Variants in CDH13 observed in about 807,000 individuals in gnomAD.
CDH13 encodes the protein cadherin-13.
A neutral mutation model predicts 63.8 loss-of-function variants in CDH13; 24 were observed. That is an observed-to-expected ratio of 0.38 (90% CI 0.27 to 0.53). The LOEUF is 0.53. Ranked by LOEUF, CDH13 falls within the 20% of genes least tolerant of loss-of-function variation. The pLI is 0.85. For synonymous variants in CDH13, 503 were observed against 355.3 expected, an observed-to-expected ratio of 1.42 and a Z score of -4.67; for missense variants, 1,049 against 903.1, an observed-to-expected ratio of 1.16 and a Z score of -2.07.
intron 8 of CDH13, among the ~76,000 whole-genome samples, chr16:83,652,752 C>T (rs538668642): frequency 4.6e-5 from 7 of 152,258 alleles, no homozygotes; most frequent in Admixed American, 1.3e-4. Flanking sequence ...GAATCCCCAG[C>T]GCCTGCAGCC....
At chr16:82,775,498 C>G (rs952097544) in intron 1 of CDH13, among the ~76,000 whole-genome samples, 1 of 152,172 alleles carries the variant, frequency 6.6e-6, no homozygotes, top group African/African-American at 2.4e-5. Flanking sequence ...TTTACTGACA[C>G]CTTGGAAAGA....
intron 2 of CDH13, among the ~76,000 whole-genome samples, chr16:82,880,838 C>G (rs551588070): frequency 6.4e-4 from 97 of 152,286 alleles, no homozygotes; most frequent in Admixed American, 1.8e-3. Flanking sequence ...AGATACAACT[C>G]CTGACTTTGA....
chr16:83,231,503 T>G (rs998564986), intron 5 of CDH13, among the ~76,000 whole-genome samples: 2 of 152,192 alleles, frequency 1.3e-5, no homozygotes, highest in Non-Finnish European at 1.5e-5. Flanking sequence ...ATGGTTGATG[T>G]GTTCCAGCAG....
chr16:82,797,176 G>T (rs973474090), intron 1 of CDH13, among the ~76,000 whole-genome samples: 26 of 152,160 alleles, frequency 1.7e-4, no homozygotes, highest in Admixed American at 3.9e-4. Context: ...CACTCTTTCA[G>T]TGTGGGGAGG....
In CDH13 at chr16:82,681,732, G is replaced by A. The variant is rs1004288638; in HGVS notation, c.45+54595G>A. Among the ~76,000 whole-genome samples, 6 of 152,262 alleles carry A rather than the reference G, an allele frequency of 3.9e-5. No homozygotes were observed. In the South Asian group the frequency reaches 8.3e-4, roughly 21 times the overall value. ...GTTTCTCTGCCTGAGGGCTCTCTCC[G>A]GCTGCCAAAGCCCGTGTCCACGCAC... is the stretch of plus-strand genomic sequence containing the variant. On this transcript the variant is annotated intron_variant, in intron 1 of 13. Transcript: ENST00000567109.
chr16:82,865,451 G>C (rs568829628), intron 2 of CDH13, among the ~76,000 whole-genome samples: 3 of 152,312 alleles, frequency 2.0e-5, no homozygotes, highest in East Asian at 1.9e-4. Flanking sequence ...CTTGACTTCC[G>C]TGCACCTGCA....
rs1162934590 is a variant in CDH13 at position 83,797,585 on chromosome 16, A to G, written c.*2555A>G. On this transcript the variant is annotated 3_prime_UTR_variant, in exon 14 of 14. Transcript: ENST00000567109. The stretch of plus-strand genomic sequence containing the variant: ...CCAAAGTGGTAGCATTTCCTGAATC[A>G]TAAGATGTTTTGTTCATTTGCTGGA... The G allele has an allele frequency of 5.3e-5, 8 of 152,244 alleles. No individual in the cohort carries two copies. Among genetic ancestry groups the G allele is most frequent in the Admixed American group, 3.9e-4 (6 of 15,282 alleles). The allele number at this position is 152,244 out of a possible 1,614,324, so 9.4% of individuals were successfully genotyped here.
intron 6 of CDH13, among the ~76,000 whole-genome samples, chr16:83,462,052 C>G (rs747776835): frequency 6.6e-6 from 1 of 152,206 alleles, no homozygotes; most frequent in Non-Finnish European, 1.5e-5. Flanking sequence ...AAGAGTAACC[C>G]AAGAGAAGTC....
At chr16:83,375,505 TTGAAGA>T (rs1352384668) in intron 6 of CDH13, among the ~76,000 whole-genome samples, 1 of 152,224 alleles carries the variant, frequency 6.6e-6, no homozygotes, top group Non-Finnish European at 1.5e-5. Flanking sequence ...CTCTGGGAAC[TTGAAGA>T]TAAGTAAGAC....
At chr16:83,448,701 G>C (rs757398308) in intron 6 of CDH13, among the ~76,000 whole-genome samples, 1 of 152,222 alleles carries the variant, frequency 6.6e-6, no homozygotes, top group Non-Finnish European at 1.5e-5. Flanking sequence ...ATGAGAGTAA[G>C]AGGATGCATT....
chr16:82,918,284 C>G (rs1050022717), intron 2 of CDH13, among the ~76,000 whole-genome samples: 8 of 152,072 alleles, frequency 5.3e-5, no homozygotes, highest in Non-Finnish European at 7.4e-5. Context: ...GAGTTCACAC[C>G]TATGAAACTA....
At chr16:83,533,683 C>T (rs539020679) in intron 7 of CDH13, among the ~76,000 whole-genome samples, 32 of 146,384 alleles carry the variant, frequency 2.2e-4, no homozygotes, top group African/African-American at 5.1e-4. Flanking sequence ...TGCAGTGGCA[C>T]GATCTCAGCT....
intron 7 of CDH13, among the ~76,000 whole-genome samples, chr16:83,556,778 C>G (rs2075611362): frequency 6.6e-6 from 1 of 152,180 alleles, no homozygotes; most frequent in South Asian, 2.1e-4. Flanking sequence ...ATGGGGCACC[C>G]CACACTTCAC....
intron 7 of CDH13, among the ~76,000 whole-genome samples, chr16:83,541,512 T>C (rs2150651068): frequency 6.6e-6 from 1 of 152,346 alleles, no homozygotes; most frequent in East Asian, 1.9e-4. Context: ...TTTCCAAAGT[T>C]CCTTGCAGTT....
At chr16:83,380,118 G>A (rs977999755) in intron 6 of CDH13, among the ~76,000 whole-genome samples, 4 of 151,924 alleles carry the variant, frequency 2.6e-5, no homozygotes, top group Admixed American at 6.6e-5. Flanking sequence ...GTATTCTTGC[G>A]TGAGGATGAG....
At chr16:83,094,393 A>G (rs940021414) in intron 3 of CDH13, among the ~76,000 whole-genome samples, 1 of 152,152 alleles carries the variant, frequency 6.6e-6, no homozygotes, top group African/African-American at 2.4e-5. Flanking sequence ...ATAGAGAGAG[A>G]AGTTGGGCTG....
intron 5 of CDH13, among the ~76,000 whole-genome samples, chr16:83,226,450 C>T (rs1002635155): frequency 4.6e-5 from 7 of 152,306 alleles, no homozygotes; most frequent in African/African-American, 1.7e-4. Context: ...GAGAACCCCA[C>T]ATTCCTTAAT....
At chr16:83,345,960 G>C (rs922181454) in intron 6 of CDH13, among the ~76,000 whole-genome samples, 2 of 152,088 alleles carry the variant, frequency 1.3e-5, no homozygotes, top group Non-Finnish European at 2.9e-5. Flanking sequence ...GTGACATGTA[G>C]ATACATGAGG....
intron 5 of CDH13, among the ~76,000 whole-genome samples, chr16:83,279,980 A>G (rs1410404005): frequency 6.6e-6 from 1 of 152,256 alleles, no homozygotes; most frequent in African/African-American, 2.4e-5. Flanking sequence ...AAGTGCTAAC[A>G]AACATCTGAA....
Sources: allele counts gnomAD v4.1 joint callset (sites outside exome capture counted in the v4.1 genomes callset), GRCh38; gene constraint gnomAD v4.1.1; transcripts MANE v1.5; gene names NCBI Gene and HGNC (gene_info 2026-07-23, HGNC 2026-07-21).